The following TENM4 variants were observed in gnomAD, a reference collection of about 807,000 sequenced individuals.
TENM4 encodes teneurin transmembrane protein 4.
In TENM4, 82 loss-of-function variants were observed where a neutral mutation model predicts 243.3. That is an observed-to-expected ratio of 0.34 (90% CI 0.28 to 0.40). The LOEUF is 0.40. TENM4 is among the 10% of genes least tolerant of loss of function. The pLI, the probability that TENM4 is intolerant of heterozygous loss-of-function variation, is 1.00. For missense variants in TENM4, 3,138 were observed against 3,673.3 expected, an observed-to-expected ratio of 0.85 and a Z score of 3.77; for synonymous variants, 1,412 against 1,456.3, an observed-to-expected ratio of 0.97 and a Z score of 0.69.
intron 6 of TENM4, among the ~76,000 whole-genome samples, chr11:79,028,448 T>C (rs1859140155): frequency 1.3e-5 from 2 of 152,200 alleles, no homozygotes; most frequent in African/African-American, 4.8e-5. Context: ...TGAGCTACAA[T>C]GCGGCTGCAA....
At chr11:79,342,510 G>C (rs1297277609) in intron 1 of TENM4, among the ~76,000 whole-genome samples, 1 of 152,132 alleles carries the variant, frequency 6.6e-6, no homozygotes, top group East Asian at 1.9e-4. Context: ...GAACTGCGTG[G>C]CCTCCCTCTT....
Position 79,375,227 on chromosome 11 carries a change from A to C in TENM4, c.-321+65282T>G, listed in dbSNP as rs563779255. On this transcript the variant is annotated intron_variant, in intron 1 of 33. Coordinates refer to ENST00000278550, the MANE Select transcript of TENM4 (RefSeq NM_001098816.3). ...TTAAAGCTGCATTTGAGGAAGGACC[A>C]AGATAGCAGATGGCTCAAAGGAGCC... Among the ~76,000 whole-genome samples the C allele has an allele frequency of 2.0e-5, 3 of 152,370 alleles. No homozygotes were observed. The South Asian group carries it at 6.2e-4, about 32-fold the overall frequency.
intron 12 of TENM4, among the ~76,000 whole-genome samples, chr11:78,820,675 G>T (rs150163536): frequency 1.6e-4 from 25 of 152,168 alleles, no homozygotes; most frequent in African/African-American, 5.6e-4. Context: ...GTGGGTTTCT[G>T]GGGGGTAAAC....
At chr11:79,383,936 A>G (rs1858056791) in intron 1 of TENM4, among the ~76,000 whole-genome samples, 1 of 152,172 alleles carries the variant, frequency 6.6e-6, no homozygotes, top group Admixed American at 6.5e-5. Context: ...CAGAATATTG[A>G]GCCCCATATT....
chr11:78,993,392 GT>G (rs1180985290), intron 6 of TENM4, among the ~76,000 whole-genome samples: 2 of 152,082 alleles, frequency 1.3e-5, no homozygotes, highest in East Asian at 1.9e-4. Context: ...GACTTGTTGA[GT>G]TTCCTGGATT....
intron 14 of TENM4, 44 bp downstream of exon 14, chr11:78,812,078 C>T (rs373182504): frequency 3.1e-4 from 470 of 1,535,162 alleles, no homozygotes; most frequent in Non-Finnish European, 3.6e-4. Flanking sequence ...ATGCCAGCCT[C>T]TATCTCAGAG....
chr11:78,782,979 A>C (rs1856868037), intron 16 of TENM4, among the ~76,000 whole-genome samples: 1 of 152,144 alleles, frequency 6.6e-6, no homozygotes, highest in Non-Finnish European at 1.5e-5. Context: ...AATTCTGTAT[A>C]TGTGGTATCT....
intron 4 of TENM4, among the ~76,000 whole-genome samples, chr11:79,072,502 T>C (rs1339412676): frequency 2.0e-5 from 3 of 148,394 alleles, no homozygotes; most frequent in African/African-American, 7.5e-5. Context: ...AAAAAAAAAT[T>C]ACAATATCTT....
chr11:79,324,104 C>T (rs887005262), intron 1 of TENM4, among the ~76,000 whole-genome samples: 8 of 152,082 alleles, frequency 5.3e-5, no homozygotes, highest in African/African-American at 4.8e-5. Flanking sequence ...TTCAAATCAC[C>T]TATAGATTAT....
At chr11:79,211,088 GGGGAGTGCA>G (rs1460426576) in intron 3 of TENM4, among the ~76,000 whole-genome samples, 1 of 152,116 alleles carries the variant, frequency 6.6e-6, no homozygotes, top group African/African-American at 2.4e-5. Context: ...TGGGTGAGGT[GGGGAGTGCA>G]GTTCAGCCTT....
intron 1 of TENM4, among the ~76,000 whole-genome samples, chr11:79,322,232 A>G (rs1450904985): frequency 2.0e-5 from 3 of 152,126 alleles, no homozygotes; most frequent in African/African-American, 4.8e-5. Context: ...CACCTGACTC[A>G]GGAAGCCTCT....
At chr11:78,827,551 G>T (rs1857883633) in intron 12 of TENM4, among the ~76,000 whole-genome samples, 1 of 151,922 alleles carries the variant, frequency 6.6e-6, no homozygotes. Context: ...ATGCAATCGT[G>T]CAATCTTGGC....
At chr11:78,703,429 A>G (rs1365670530) in intron 27 of TENM4, among the ~76,000 whole-genome samples, 1 of 152,198 alleles carries the variant, frequency 6.6e-6, no homozygotes, top group Admixed American at 6.5e-5. Flanking sequence ...GGAAAGGATT[A>G]CTGAAGCTGG....
chr11:79,362,174 A>T (rs1037771747), intron 1 of TENM4, among the ~76,000 whole-genome samples: 2 of 152,250 alleles, frequency 1.3e-5, no homozygotes, highest in African/African-American at 2.4e-5. Context: ...CAATCAGTAG[A>T]ACCTGGTCTT....
chr11:78,772,077 T>A (rs186180069), intron 17 of TENM4, among the ~76,000 whole-genome samples: 33 of 152,252 alleles, frequency 2.2e-4, no homozygotes, highest in African/African-American at 7.7e-4. Context: ...TTAACACAGG[T>A]GTGGCCATCT....
chr11:78,879,457 C>A (rs1859367827), intron 9 of TENM4, among the ~76,000 whole-genome samples: 1 of 138,280 alleles, frequency 7.2e-6, no homozygotes, highest in Admixed American at 7.1e-5. Context: ...GTGCCTCTGC[C>A]CGGCCGCCAC....
rs754788136 is a variant in TENM4 at position 78,658,474 on chromosome 11, G to T, written c.7894C>A (p.Leu2632Met). 6.2e-7 allele frequency: 1 copy of T among 1,614,052 alleles called. No individual in the cohort carries two copies. The highest frequency in any genetic ancestry group is 1.1e-5 in the South Asian group (1 of 91,078). ...PGPSEGDLAI[L>M]GLSGGRRTLE... ...GTTCGCCGCCCCCCACTGAGGCCCA[G>T]GATGGCCAGGTCACCTTCTGAAGGT... The change falls in exon 34 of 34, where the codon CTG becomes ATG. Residue 2632 changes from leucine (L) to methionine (M), a missense_variant. By Grantham distance (15) the Leu-to-Met change is conservative. Around this residue, in one of 2 missense-constraint regions of TENM4, gnomAD observed 2,467 missense variants for 3,059.1 expected, o/e 0.81. Transcript: ENST00000278550.
intron 12 of TENM4, among the ~76,000 whole-genome samples, chr11:78,851,168 T>G (rs750516186): frequency 1.4e-4 from 22 of 152,222 alleles, no homozygotes; most frequent in Non-Finnish European, 2.2e-4. Flanking sequence ...TCAGTATCAC[T>G]GGGTGATGGT....
chr11:78,823,213 C>A (rs930513811), intron 12 of TENM4, among the ~76,000 whole-genome samples: 2 of 152,212 alleles, frequency 1.3e-5, no homozygotes, highest in Non-Finnish European at 2.9e-5. Context: ...CCTCGTCTTC[C>A]CTCCACCCTT....
Sources: gnomAD v4.1 joint callset for allele counts (sites outside exome capture counted in the v4.1 genomes callset) on GRCh38, gnomAD v4.1.1 for gene constraint, gnomAD v4.1.1 regional missense constraint, MANE v1.5 for transcripts, NCBI Gene and HGNC (gene_info 2026-07-23, HGNC 2026-07-21) for gene names.